Variants in SOD2 observed in about 807,000 individuals in gnomAD.
The protein encoded by SOD2 is superoxide dismutase 2, also known as superoxide dismutase [Mn], mitochondrial.
Under a neutral mutation model 27.0 loss-of-function variants are expected in SOD2, and 11 were observed. That is an observed-to-expected ratio of 0.41 (90% CI 0.26 to 0.67). The LOEUF (loss-of-function observed/expected upper bound fraction) is 0.67. Ranked by LOEUF, SOD2 falls within the 30% of genes least tolerant of loss-of-function variation. SOD2 has a pLI of 0.34. For missense variants in SOD2, 250 were observed against 274.5 expected, an observed-to-expected ratio of 0.91 and a Z score of 0.63; for synonymous variants, 105 against 103.0, an observed-to-expected ratio of 1.02 and a Z score of -0.12.
chr6:159,733,847 C>T (rs953686492), intron 1 of SOD2, among the ~76,000 whole-genome samples: 3 of 151,998 alleles, frequency 2.0e-5, no homozygotes, highest in Non-Finnish European at 2.9e-5. Context: ...ACCCAGGAGG[C>T]GGAGGTTGCG....
Position 159,721,074 on chromosome 6 carries a change from A to C in SOD2, c.-116+6055T>G, listed in dbSNP as rs575502398. ...TAATTTTTATTTATTTATATTTTTT[A>C]ATTTTTTTTTTGAGACGGAGTCTCG... On this transcript the variant is annotated intron_variant, in intron 1 of 2. Coordinates refer to the SOD2 transcript ENST00000401980. Among the ~76,000 whole-genome samples, 245 of 140,548 alleles carry C rather than the reference A, an allele frequency of 1.7e-3. 2 individuals carry two copies. The highest frequency in any genetic ancestry group is 6.0e-3 in the African/African-American group (227 of 37,784). 92.2% of individuals were successfully genotyped at this position (140,548 alleles called of 152,430 possible). A position where few individuals can be genotyped will look rare whatever the true frequency, so the allele number is the denominator to read the frequency against.
At chr6:159,688,906 A>G (rs1189320920) in intron 2 of SOD2, among the ~76,000 whole-genome samples, 2 of 152,180 alleles carry the variant, frequency 1.3e-5, no homozygotes, top group African/African-American at 2.4e-5. Context: ...AGAAAAAAAT[A>G]AAACACAAGC....
upstream of SOD2, among the ~76,000 whole-genome samples, chr6:159,697,079 A>ACACACACACG (rs1491257731): frequency 5.5e-4 from 82 of 149,622 alleles, no homozygotes; most frequent in African/African-American, 1.9e-3. Flanking sequence ...ACACACACAC[A>ACACACACACG]CGCAGTCAGC....
At chr6:159,687,135 A>G (rs948972075) in intron 3 of SOD2, among the ~76,000 whole-genome samples, 28 of 152,200 alleles carry the variant, frequency 1.8e-4, no homozygotes, top group African/African-American at 6.8e-4. Flanking sequence ...CATAGATGAA[A>G]AAAGGTACAG....
chr6:159,727,815 G>A (rs1320881281), upstream of SOD2: 15 of 766,914 alleles, frequency 2.0e-5, no homozygotes, highest in Non-Finnish European at 2.4e-5. Flanking sequence ...AAGGCCACAC[G>A]GGCCTGGTGC....
chr6:159,752,059 T>C (rs1779840161), intron 1 of SOD2, among the ~76,000 whole-genome samples: 1 of 137,006 alleles, frequency 7.3e-6, no homozygotes, highest in Non-Finnish European at 1.6e-5. Flanking sequence ...GAGACCCCCA[T>C]CTCAAAAAAA....
At chr6:159,731,672 A>G (rs951650910), upstream of SOD2, among the ~76,000 whole-genome samples, 2 of 152,154 alleles carry the variant, frequency 1.3e-5, no homozygotes, top group Admixed American at 6.5e-5. Flanking sequence ...TATTAATTAA[A>G]TGCCCATTTT....
upstream of SOD2, among the ~76,000 whole-genome samples, chr6:159,747,957 T>G (rs960667324): frequency 3.3e-5 from 5 of 152,184 alleles, no homozygotes; most frequent in African/African-American, 1.2e-4. Context: ...TAGTGATGTT[T>G]CAATACATAT....
chr6:159,685,219 C>CTTTTTTTTTTTTTTTTT (rs750824041), intron 3 of SOD2, among the ~76,000 whole-genome samples, 186 bp from the exon 4 acceptor site: 33 of 73,914 alleles, frequency 4.5e-4, no homozygotes, highest in Admixed American at 6.4e-4. Flanking sequence ...ATAACTTCAA[C>CTTTTTTTTTTTTTTTTT]TTTTTTTTTT....
chr6:159,686,522 C>T (rs975253526), intron 3 of SOD2, among the ~76,000 whole-genome samples: 1 of 152,082 alleles, frequency 6.6e-6, no homozygotes, highest in Non-Finnish European at 1.5e-5. Context: ...GTGGCAGGCA[C>T]CTATAATCCC....
At chr6:159,727,837 C>T (rs1044371635), upstream of SOD2, 6 of 605,166 alleles carry the variant, frequency 9.9e-6, no homozygotes, top group Non-Finnish European at 6.2e-6. Flanking sequence ...GCACCGGTCT[C>T]TCGTGAGCCG....
chr6:159,686,607 C>T (rs538208655), intron 3 of SOD2, among the ~76,000 whole-genome samples: 5 of 152,264 alleles, frequency 3.3e-5, no homozygotes, highest in Non-Finnish European at 5.9e-5. Flanking sequence ...CAAGATCAAG[C>T]CACTTCACTG....
intron 1 of SOD2, among the ~76,000 whole-genome samples, chr6:159,752,725 T>C (rs780268673): frequency 2.6e-5 from 4 of 152,214 alleles, no homozygotes; most frequent in African/African-American, 4.8e-5. Context: ...TTGAGAGTTA[T>C]GGAAGATGGA....
upstream of SOD2, among the ~76,000 whole-genome samples, chr6:159,730,515 A>G (rs1778501205): frequency 6.6e-6 from 1 of 152,226 alleles, no homozygotes. Context: ...CAAAATTGCC[A>G]ATTAGGTTCT....
intron 1 of SOD2, among the ~76,000 whole-genome samples, chr6:159,753,122 G>T (rs932679705): frequency 6.6e-6 from 1 of 152,118 alleles, no homozygotes; most frequent in Non-Finnish European, 1.5e-5. Flanking sequence ...AATAATACTG[G>T]TATAGCCAAG....
At chr6:159,721,314 G>C (rs1488736803) in intron 1 of SOD2, among the ~76,000 whole-genome samples, 1 of 151,830 alleles carries the variant, frequency 6.6e-6, no homozygotes, top group South Asian at 2.1e-4. Context: ...TGATCTGCCC[G>C]CCTCGGCCTC....
At chr6:159,726,863 T>C (rs2114847505) in intron 1 of SOD2, 3 of 1,289,244 alleles carry the variant, frequency 2.3e-6, no homozygotes, top group Non-Finnish European at 3.0e-6. Flanking sequence ...GGTGAGCTTC[T>C]GCTAAGAGTA....
upstream of SOD2, among the ~76,000 whole-genome samples, chr6:159,747,985 TC>T (rs1779677349): frequency 6.6e-6 from 1 of 152,198 alleles, no homozygotes; most frequent in Non-Finnish European, 1.5e-5. Flanking sequence ...AGTGATCAGA[TC>T]GGGGTAATTA....
chr6:159,751,531 G>T (rs1235632381), intron 1 of SOD2, among the ~76,000 whole-genome samples: 1 of 152,202 alleles, frequency 6.6e-6, no homozygotes, highest in Admixed American at 6.5e-5. Context: ...TGGATGTTCA[G>T]TGGAGGCTAA....
Sources: allele counts gnomAD v4.1 joint callset (sites outside exome capture counted in the v4.1 genomes callset), GRCh38; gene constraint gnomAD v4.1.1; transcripts MANE v1.5; gene names NCBI Gene and HGNC (gene_info 2026-07-23, HGNC 2026-07-21).